The following RNF38 variants were observed in gnomAD, a reference collection of about 807,000 sequenced individuals.
RNF38 encodes ring finger protein 38.
In RNF38, 15 loss-of-function variants were observed where a neutral mutation model predicts 67.2. That is an observed-to-expected ratio of 0.22 (90% CI 0.15 to 0.34). The LOEUF is 0.34. RNF38 is among the 10% of genes least tolerant of loss of function. The probability of loss-of-function intolerance (pLI) is 1.00; values close to 1 mark genes in which losing one functional copy is unlikely to be tolerated. For synonymous variants in RNF38, 220 were observed against 218.8 expected (o/e 1.01, Z -0.05); for missense variants, 524 against 639.9 (o/e 0.82, Z 1.95).
chr9:36,433,516 G>A (rs1405104598), intron 1 of RNF38, among the ~76,000 whole-genome samples: 1 of 151,856 alleles, frequency 6.6e-6, no homozygotes, highest in Non-Finnish European at 1.5e-5. Context: ...AAGACGGGCA[G>A]ATCACTTGAG....
At chr9:36,352,721 T>C (rs370914642) in intron 8 of RNF38, 21 bp downstream of exon 8, 9 of 1,521,256 alleles carry the variant, frequency 5.9e-6, no homozygotes, top group Non-Finnish European at 8.2e-6. Context: ...TCAGAAATCA[T>C]TAAGATAAGA....
chr9:36,424,393 T>C (rs1025096390), intron 2 of RNF38, among the ~76,000 whole-genome samples: 3 of 152,172 alleles, frequency 2.0e-5, no homozygotes, highest in African/African-American at 4.8e-5. Context: ...AAGTGGAGTG[T>C]TGATCAAAAG....
intron 1 of RNF38, among the ~76,000 whole-genome samples, chr9:36,393,811 C>A (rs1009487549): frequency 2.6e-5 from 4 of 152,032 alleles, no homozygotes; most frequent in Admixed American, 6.6e-5. Flanking sequence ...ATTCTTCAGA[C>A]TAAGATGTTG....
At chr9:36,362,840 G>T (rs1418420064) in intron 4 of RNF38, among the ~76,000 whole-genome samples, 1 of 151,194 alleles carries the variant, frequency 6.6e-6, no homozygotes, top group Non-Finnish European at 1.5e-5. Context: ...CACCATGTTG[G>T]CCAGGATGGT....
At chr9:36,426,884 T>C (rs1838786680) in intron 1 of RNF38, among the ~76,000 whole-genome samples, 1 of 152,202 alleles carries the variant, frequency 6.6e-6, no homozygotes, top group Non-Finnish European at 1.5e-5. Flanking sequence ...TACTTATATG[T>C]AGGTAATCTA....
chr9:36,393,066 T>C (rs570416598), intron 1 of RNF38, among the ~76,000 whole-genome samples: 3 of 152,354 alleles, frequency 2.0e-5, no homozygotes, highest in Non-Finnish European at 4.4e-5. Flanking sequence ...AAGCTTTTCA[T>C]TTGCTCATTA....
At chr9:36,379,378 T>C (rs1019609717) in intron 2 of RNF38, among the ~76,000 whole-genome samples, 1 of 152,174 alleles carries the variant, frequency 6.6e-6, no homozygotes, top group African/African-American at 2.4e-5. Flanking sequence ...GGTAGTAACC[T>C]ACAAAGAAAT....
At chr9:36,463,117 G>A (rs558687362) in intron 1 of RNF38, among the ~76,000 whole-genome samples, 3 of 152,030 alleles carry the variant, frequency 2.0e-5, no homozygotes, top group Non-Finnish European at 4.4e-5. Context: ...GGCCTACCCT[G>A]ATCTGTTTTT....
At chr9:36,475,739 C>T (rs975652387) in intron 1 of RNF38, among the ~76,000 whole-genome samples, 2 of 149,122 alleles carry the variant, frequency 1.3e-5, no homozygotes, top group East Asian at 2.1e-4. Context: ...ATAAACTAGC[C>T]GGGTGCGGTG....
chr9:36,473,836 A>C (rs1344163219), intron 1 of RNF38, among the ~76,000 whole-genome samples: 2 of 150,776 alleles, frequency 1.3e-5, no homozygotes, highest in African/African-American at 2.4e-5. Flanking sequence ...AATACAAAAA[A>C]ATTAGCCGGG....
At chr9:36,459,720 T>C (rs970350875) in intron 1 of RNF38, among the ~76,000 whole-genome samples, 1 of 152,158 alleles carries the variant, frequency 6.6e-6, no homozygotes, top group Admixed American at 6.6e-5. Context: ...CTACCACCAC[T>C]AAATACTATT....
chr9:36,375,342 C>T (rs1363697187), intron 3 of RNF38, among the ~76,000 whole-genome samples: 2 of 152,094 alleles, frequency 1.3e-5, no homozygotes, highest in African/African-American at 2.4e-5. Context: ...AGATGTGCGC[C>T]AACATCCTCA....
chr9:36,344,318 A>G (rs1284929216), intron 10 of RNF38, among the ~76,000 whole-genome samples: 1 of 152,144 alleles, frequency 6.6e-6, no homozygotes, highest in Non-Finnish European at 1.5e-5. Context: ...CCCGGCCTGA[A>G]TTGTACATTT....
At position 36,444,230 on chromosome 9, in the gene RNF38, A is replaced by G. The variant is rs114501779; in HGVS notation, n.242-19547T>C. 5.6e-3 allele frequency among the ~76,000 whole-genome samples: 849 copies of G among 152,298 alleles called. 11 individuals are homozygous for G. The highest frequency in any genetic ancestry group is 0.019 in the African/African-American group (806 of 41,564). The stretch of plus-strand genomic sequence containing the variant: ...CACCTGAAAAGAAGTAATTTTAAAA[A>G]AGGACGGTGAAAGATCAGGATAGAA... On this transcript the variant is annotated intron_variant and non_coding_transcript_variant, in intron 1 of 3. Coordinates refer to the RNF38 transcript ENST00000488058.
chr9:36,390,439 T>C (rs962146749), intron 2 of RNF38, 28 bp downstream of exon 2: 7 of 1,588,586 alleles, frequency 4.4e-6, no homozygotes, highest in Non-Finnish European at 6.0e-6. Context: ...TTCAGCCCTA[T>C]GTAGGGAAAG....
chr9:36,370,034 G>GTA (rs1474990059), intron 3 of RNF38, 102 bp from the exon 4 acceptor site: 21 of 915,214 alleles, frequency 2.3e-5, no homozygotes, highest in Admixed American at 6.3e-5. Context: ...GCTAAGGTAA[G>GTA]CTTCATTATT....
At chr9:36,458,322 T>C (rs1349073780) in intron 1 of RNF38, among the ~76,000 whole-genome samples, 1 of 152,174 alleles carries the variant, frequency 6.6e-6, no homozygotes, top group African/African-American at 2.4e-5. Flanking sequence ...ACCAGCAGGA[T>C]GTGGGCAGGG....
At chr9:36,413,643 T>TA (rs1005613656) in intron 2 of RNF38, among the ~76,000 whole-genome samples, 50 of 152,316 alleles carry the variant, frequency 3.3e-4, no homozygotes, top group African/African-American at 1.2e-3. Context: ...CTTTCAGCAG[T>TA]ATTTTGTAGT....
chr9:36,360,378 G>T (rs911613940), intron 4 of RNF38, among the ~76,000 whole-genome samples: 10 of 152,156 alleles, frequency 6.6e-5, no homozygotes, highest in Admixed American at 6.6e-4. Context: ...AAAAAACTTA[G>T]AATCTCCTTT....
Sources: allele counts gnomAD v4.1 joint callset (sites outside exome capture counted in the v4.1 genomes callset), GRCh38; gene constraint gnomAD v4.1.1; transcripts MANE v1.5; gene names NCBI Gene and HGNC (gene_info 2026-07-23, HGNC 2026-07-21).